ARID5B: variants seen among roughly 807,000 people sequenced by gnomAD.
The protein encoded by ARID5B is AT-rich interactive domain-containing protein 5B.
A neutral mutation model predicts 97.2 loss-of-function variants in ARID5B; 13 were observed. The observed-to-expected ratio is 0.13, with a 90% CI of 0.09 to 0.21. The LOEUF (loss-of-function observed/expected upper bound fraction) is 0.21, where lower values mean the gene tolerates loss of function less well. Ranked by LOEUF, ARID5B falls within the 10% of genes least tolerant of loss-of-function variation. ARID5B has a pLI of 1.00. For synonymous variants in ARID5B, 556 were observed against 570.3 expected, an observed-to-expected ratio of 0.97 and a Z score of 0.36; for missense variants, 1,210 against 1,465.3, an observed-to-expected ratio of 0.83 and a Z score of 2.84.
At chr10:61,952,980 T>A (rs183028558) in intron 3 of ARID5B, among the ~76,000 whole-genome samples, 8 of 152,192 alleles carry the variant, frequency 5.3e-5, no homozygotes, top group Admixed American at 3.9e-4. Flanking sequence ...AAATCCAGAT[T>A]GGACTTGTTC....
chr10:62,046,079 G>A (rs961133574), intron 4 of ARID5B, among the ~76,000 whole-genome samples: 3 of 152,166 alleles, frequency 2.0e-5, no homozygotes, highest in African/African-American at 4.8e-5. Context: ...AGAATATGTA[G>A]CTGTGTTGGC....
chr10:62,056,899 A>G (rs1216731280), intron 5 of ARID5B, among the ~76,000 whole-genome samples: 2 of 152,164 alleles, frequency 1.3e-5, no homozygotes, highest in Non-Finnish European at 2.9e-5. Flanking sequence ...AGAAGCCTAC[A>G]ATATTTACGA....
At chr10:62,017,502 T>C (rs880529) in intron 4 of ARID5B, among the ~76,000 whole-genome samples, 4 of 151,828 alleles carry the variant, frequency 2.6e-5, no homozygotes, top group East Asian at 1.9e-4. Context: ...TTTTTTTTTT[T>C]CTTCAAAAAT....
intron 4 of ARID5B, among the ~76,000 whole-genome samples, chr10:62,045,147 C>A (rs1407458424): frequency 2.0e-5 from 3 of 152,216 alleles, no homozygotes; most frequent in Non-Finnish European, 4.4e-5. Flanking sequence ...TGTTCCCCCA[C>A]ATATTTGAAA....
At chr10:61,981,807 C>T (rs1248723294) in intron 3 of ARID5B, among the ~76,000 whole-genome samples, 2 of 152,162 alleles carry the variant, frequency 1.3e-5, no homozygotes, top group African/African-American at 4.8e-5. Flanking sequence ...CTGTCTGTTA[C>T]ATTATGTTGG....
intron 4 of ARID5B, among the ~76,000 whole-genome samples, chr10:62,015,233 T>G (rs890547137): frequency 1.3e-5 from 2 of 152,236 alleles, no homozygotes. Context: ...CTAGGATTTA[T>G]TGAGCACCTA....
Position 62,053,209 on chromosome 10 carries a change from T to TGG in ARID5B, c.846+2209_846+2210insGG, listed in dbSNP as rs552939985. Among the ~76,000 whole-genome samples, 20 of 152,338 alleles carry TGG rather than the reference T, an allele frequency of 1.3e-4. No homozygotes were observed. In the East Asian group the frequency reaches 3.9e-3, roughly 29 times the overall value. On this transcript the variant is annotated intron_variant, in intron 5 of 9. Coordinates refer to ENST00000279873, the MANE Select transcript of ARID5B (RefSeq NM_032199.3). ...AGCATCTTAGAGGACAGTGAGCTGT[T>TGG]TGACTTTGTGACCAAGACCCATGTG...
rs57902062 is a variant in ARID5B, at chr10:62,093,651, CTTTTTTTTTT to C, written c.*639_*648del. 18 of 87,006 alleles carry C rather than the reference CTTTTTTTTTT, an allele frequency of 2.1e-4. No homozygotes were observed. Among genetic ancestry groups the C allele is most frequent in the African/African-American group, 7.9e-4 (10 of 12,586 alleles). 5.4% of individuals were successfully genotyped at this position (87,006 alleles called of 1,614,324 possible). On this transcript the variant is annotated 3_prime_UTR_variant, in exon 10 of 10. Transcript: ENST00000279873. ...CCATTTTCTCCCAGTTCCTTCTCGTCTTTTTTTTTTTTTTTTTTTTTTTTTTTATTAAATG... is the reference window on the plus strand; with the variant it reads ...CCATTTTCTCCCAGTTCCTTCTCGTCTTTTTTTTTTTTTTTTTATTAAATG...
chr10:62,046,462 T>C (rs765090372), intron 4 of ARID5B, among the ~76,000 whole-genome samples: 1 of 152,200 alleles, frequency 6.6e-6, no homozygotes, highest in Non-Finnish European at 1.5e-5. Flanking sequence ...AAACTTGTTT[T>C]GCTATATTGT....
chr10:61,905,831 C>T (rs185404002), intron 2 of ARID5B, among the ~76,000 whole-genome samples: 61 of 152,250 alleles, frequency 4.0e-4, no homozygotes, highest in African/African-American at 1.3e-3. Flanking sequence ...ATAATGATAA[C>T]AGTTATATTT....
At chr10:62,050,688 G>A (rs1361836766) in intron 4 of ARID5B, among the ~76,000 whole-genome samples, 200 bp from the exon 5 acceptor site, 1 of 152,120 alleles carries the variant, frequency 6.6e-6, no homozygotes, top group Non-Finnish European at 1.5e-5. Context: ...ATTAGCTTTG[G>A]GAAACGTGTA....
intron 9 of ARID5B, among the ~76,000 whole-genome samples, chr10:62,088,062 T>G (rs1476379340): frequency 3.3e-5 from 5 of 152,132 alleles, no homozygotes; most frequent in Admixed American, 3.3e-4. Context: ...AGACAGGGTT[T>G]CACCATGTTG....
chr10:62,083,668 G>A (rs1274775353), intron 8 of ARID5B, among the ~76,000 whole-genome samples: 2 of 152,150 alleles, frequency 1.3e-5, no homozygotes. Flanking sequence ...AGTTCCCATG[G>A]CAACAAAACA....
chr10:61,947,666 C>G (rs1356144014), intron 3 of ARID5B, among the ~76,000 whole-genome samples: 1 of 152,152 alleles, frequency 6.6e-6, no homozygotes, highest in African/African-American at 2.4e-5. Flanking sequence ...GCTTGACCAT[C>G]TAATTAAATA....
At chr10:61,917,544 G>A (rs1028007062) in intron 2 of ARID5B, among the ~76,000 whole-genome samples, 2 of 152,154 alleles carry the variant, frequency 1.3e-5, no homozygotes, top group African/African-American at 4.8e-5. Flanking sequence ...GGTCAGGCTG[G>A]TCTCACTGCA....
chr10:61,974,723 T>C (rs1005290535), intron 3 of ARID5B, among the ~76,000 whole-genome samples: 5 of 152,242 alleles, frequency 3.3e-5, no homozygotes, highest in African/African-American at 1.2e-4. Flanking sequence ...TATAAAACAC[T>C]GATCTGTTCA....
chr10:61,953,018 G>A (rs1342163790), intron 3 of ARID5B, among the ~76,000 whole-genome samples: 3 of 151,816 alleles, frequency 2.0e-5, no homozygotes, highest in South Asian at 4.2e-4. Context: ...TATTATTATC[G>A]GCTTGTTTGT....
chr10:61,993,179 A>G (rs1838951116), intron 3 of ARID5B, among the ~76,000 whole-genome samples: 1 of 151,800 alleles, frequency 6.6e-6, no homozygotes, highest in South Asian at 2.1e-4. Context: ...CCCTGACTCC[A>G]ACTCTTCAAC....
chr10:62,088,995 T>C (rs1449294804), intron 9 of ARID5B, among the ~76,000 whole-genome samples: 1 of 152,172 alleles, frequency 6.6e-6, no homozygotes, highest in Non-Finnish European at 1.5e-5. Context: ...TAAACCTGTT[T>C]TACAACCCGA....
Sources: gnomAD v4.1 joint callset for allele counts (sites outside exome capture counted in the v4.1 genomes callset) on GRCh38, gnomAD v4.1.1 for gene constraint, MANE v1.5 for transcripts, NCBI Gene and HGNC (gene_info 2026-07-23, HGNC 2026-07-21) for gene names.